Variants in SCTR observed in about 807,000 individuals in gnomAD.
The protein encoded by SCTR is pancreatic secretin receptor.
Under a neutral mutation model 60.8 loss-of-function variants are expected in SCTR, and 56 were observed. The observed-to-expected ratio is 0.92, with a 90% CI of 0.74 to 1.15. SCTR has a LOEUF of 1.15. Ranked by LOEUF, SCTR falls within the 50% of genes most tolerant of loss-of-function variation. The probability of loss-of-function intolerance (pLI) is 0.00; values close to 1 mark genes in which losing one functional copy is unlikely to be tolerated. For missense variants in SCTR, 562 were observed against 550.4 expected (o/e 1.02, Z -0.21); for synonymous variants, 202 against 217.0 (o/e 0.93, Z 0.61).
chr2:119,454,781 G>A (rs1208710673), intron 7 of SCTR, among the ~76,000 whole-genome samples: 1 of 151,920 alleles, frequency 6.6e-6, no homozygotes, highest in Non-Finnish European at 1.5e-5. Flanking sequence ...TTGAACCCGG[G>A]AGGCGGAGGT....
At chr2:119,485,233 G>C (rs1677813115) in intron 2 of SCTR, among the ~76,000 whole-genome samples, 1 of 152,258 alleles carries the variant, frequency 6.6e-6, no homozygotes, top group South Asian at 2.1e-4. Context: ...TCAGAAAACG[G>C]AGAAAGTTCT....
At chr2:119,507,663 CTT>C (rs751779879) in intron 1 of SCTR, among the ~76,000 whole-genome samples, 1,890 of 114,702 alleles carry the variant, frequency 0.016, 41 homozygotes, top group African/African-American at 0.057. Flanking sequence ...CTTTCTCGTT[CTT>C]TTTTTTTTTT....
intron 11 of SCTR, among the ~76,000 whole-genome samples, 175 bp downstream of exon 11, chr2:119,446,584 G>C (rs1682936649): frequency 6.6e-6 from 1 of 152,098 alleles, no homozygotes; most frequent in South Asian, 2.1e-4. Flanking sequence ...CCATTTGACT[G>C]GTGGGGACCA....
Position 119,441,259 on chromosome 2 carries a change from C to T in SCTR, c.1182+299G>A, listed in dbSNP as rs138695229. Among the ~76,000 whole-genome samples, 91 of 152,322 alleles carry T rather than the reference C, an allele frequency of 6.0e-4. 1 individual carries two copies. The East Asian group carries it at 0.016, about 27-fold the overall frequency. On this transcript the variant is annotated intron_variant, in intron 12 of 12. Transcript: ENST00000019103. ...CTGCATTTGCTGAACAGATCAACAT[C>T]GGCACCAGGAATGCTTGTTAAAAAA...
intron 4 of SCTR, among the ~76,000 whole-genome samples, chr2:119,468,654 T>C (rs574026526): frequency 1.3e-5 from 2 of 152,364 alleles, no homozygotes; most frequent in South Asian, 4.1e-4. Context: ...GTAGGAAGTC[T>C]GAGCATGAAA....
chr2:119,508,642 G>A lies in SCTR; in HGVS notation c.73-14094C>T, dbSNP rs908009566. Among the ~76,000 whole-genome samples the A allele has an allele frequency of 2.0e-5, 3 of 151,884 alleles. No homozygotes were observed. The East Asian group carries it at 5.8e-4, about 29-fold the overall frequency. On this transcript the variant is annotated intron_variant, in intron 1 of 12. Coordinates refer to ENST00000019103, the MANE Select transcript of SCTR (RefSeq NM_002980.3). ...AGGCTCAAGTGACCCTCCTGCCTCA[G>A]CCTCCCAAAGTGCTGGGATTACAGG...
At chr2:119,489,451 G>A (rs534832310) in intron 2 of SCTR, among the ~76,000 whole-genome samples, 72 of 152,184 alleles carry the variant, frequency 4.7e-4, no homozygotes, top group Non-Finnish European at 7.9e-4. Flanking sequence ...GGCAAGCCCT[G>A]TGTCAAGCAC....
At chr2:119,482,645 A>C (rs10207050) in intron 2 of SCTR, among the ~76,000 whole-genome samples, 1,958 of 152,288 alleles carry the variant, frequency 0.013, 44 homozygotes, top group African/African-American at 0.045. Flanking sequence ...CTCCGCCACT[A>C]TCCCGAGGCT....
intron 2 of SCTR, among the ~76,000 whole-genome samples, chr2:119,489,927 A>G (rs1232429569): frequency 1.3e-5 from 2 of 152,194 alleles, no homozygotes; most frequent in Non-Finnish European, 2.9e-5. Context: ...ACGAAAGTTC[A>G]CCATCAGCCC....
intron 11 of SCTR, among the ~76,000 whole-genome samples, chr2:119,445,085 T>C (rs1682875911): frequency 6.6e-6 from 1 of 151,864 alleles, no homozygotes; most frequent in African/African-American, 2.4e-5. Flanking sequence ...TGATTTTCTC[T>C]TGGCAAGACA....
At chr2:119,503,083 T>C (rs1487895608) in intron 1 of SCTR, among the ~76,000 whole-genome samples, 1 of 137,908 alleles carries the variant, frequency 7.3e-6, no homozygotes, top group Non-Finnish European at 1.5e-5. Context: ...GGTGTGAACC[T>C]GGGAAGCAGA....
At chr2:119,467,905 A>G (rs1411490414) in intron 4 of SCTR, among the ~76,000 whole-genome samples, 1 of 152,250 alleles carries the variant, frequency 6.6e-6, no homozygotes, top group Non-Finnish European at 1.5e-5. Context: ...CATATTAGGG[A>G]ATTATATGAA....
At chr2:119,495,333 A>C (rs1358052134) in intron 1 of SCTR, 5 of 152,148 alleles carry the variant, frequency 3.3e-5, no homozygotes, top group African/African-American at 1.2e-4. Context: ...GCGCATAATC[A>C]CACCTAGAAC....
intron 3 of SCTR, among the ~76,000 whole-genome samples, 190 bp from the exon 4 acceptor site, chr2:119,473,746 C>T (rs113120145): frequency 8.5e-5 from 13 of 152,252 alleles, no homozygotes; most frequent in South Asian, 4.2e-4. Context: ...CCCTGGGGCT[C>T]GGGCTCCAGA....
chr2:119,471,802 T>G (rs773921056), intron 4 of SCTR, among the ~76,000 whole-genome samples: 27 of 152,290 alleles, frequency 1.8e-4, no homozygotes, highest in Non-Finnish European at 3.4e-4. Context: ...CACTGGTGCT[T>G]TTGGAGCTAG....
intron 4 of SCTR, among the ~76,000 whole-genome samples, chr2:119,471,664 C>T (rs1008866258): frequency 6.6e-6 from 1 of 152,210 alleles, no homozygotes; most frequent in South Asian, 2.1e-4. Context: ...CTCACCCTAC[C>T]CTCCAAGGGA....
intron 7 of SCTR, among the ~76,000 whole-genome samples, chr2:119,454,530 C>T (rs1041248846): frequency 6.6e-6 from 1 of 152,078 alleles, no homozygotes; most frequent in Non-Finnish European, 1.5e-5. Flanking sequence ...AGATAGATAC[C>T]ATATTTTGAA....
At chr2:119,472,995 T>C (rs1192997991) in intron 4 of SCTR, among the ~76,000 whole-genome samples, 1 of 152,146 alleles carries the variant, frequency 6.6e-6, no homozygotes, top group Non-Finnish European at 1.5e-5. Flanking sequence ...TATTAACTCA[T>C]TTAGTTCTCT....
At chr2:119,478,182 T>C (rs1677421568) in intron 3 of SCTR, among the ~76,000 whole-genome samples, 1 of 152,224 alleles carries the variant, frequency 6.6e-6, no homozygotes, top group African/African-American at 2.4e-5. Context: ...ATTATTACTC[T>C]TTACTGGATC....
Sources: gnomAD v4.1 joint callset for allele counts (sites outside exome capture counted in the v4.1 genomes callset) on GRCh38, gnomAD v4.1.1 for gene constraint, MANE v1.5 for transcripts, NCBI Gene and HGNC (gene_info 2026-07-23, HGNC 2026-07-21) for gene names.